Variants in RAB3IP observed in about 807,000 individuals in gnomAD.
RAB3IP encodes rab-3A-interacting protein.
Under a neutral mutation model 59.1 loss-of-function variants are expected in RAB3IP, and 36 were observed. That is an observed-to-expected ratio of 0.61 (90% CI 0.47 to 0.80). The LOEUF (loss-of-function observed/expected upper bound fraction) is 0.80, where lower values mean the gene tolerates loss of function less well. RAB3IP is among the 30% of genes least tolerant of loss of function. RAB3IP has a pLI of 0.00. For missense variants in RAB3IP, 511 were observed against 536.0 expected (o/e 0.95, Z 0.46); for synonymous variants, 207 against 191.2 (o/e 1.08, Z -0.68).
chr12:69,788,654 CAG>C (rs755301011), intron 4 of RAB3IP, among the ~76,000 whole-genome samples: 2 of 152,044 alleles, frequency 1.3e-5, no homozygotes, highest in Non-Finnish European at 2.9e-5. Context: ...ATTATTCAGA[CAG>C]AAAATTAATA....
Position 69,755,413 on chromosome 12 carries a change from C to G in RAB3IP, c.5C>G (p.Ala2Gly). ...TCTTATGATGAGGCTTTTGCTATGG[C>G]TAATGATCCCTTGGAAGGCTTCCAT... M[A>G]NDPLEGFHEV... The change falls in exon 2 of 11, where the codon GCT becomes GGT. Residue 2 changes from alanine (A) to glycine (G), a missense_variant. Transcript: ENST00000247833. 1 of 1,613,982 alleles carries G rather than the reference C, an allele frequency of 6.2e-7. No individual in the cohort carries two copies. The highest frequency in any genetic ancestry group is 8.5e-7 in the Non-Finnish European group (1 of 1,179,916).
chr12:69,780,201 T>G (rs775918134), intron 3 of RAB3IP, among the ~76,000 whole-genome samples: 4 of 152,200 alleles, frequency 2.6e-5, no homozygotes, highest in Non-Finnish European at 4.4e-5. Context: ...CTTAGACAGA[T>G]GCATGTTTCC....
At chr12:69,759,489 A>C (rs1049828003) in intron 3 of RAB3IP, among the ~76,000 whole-genome samples, 8 of 151,874 alleles carry the variant, frequency 5.3e-5, no homozygotes, top group Non-Finnish European at 8.8e-5. Flanking sequence ...GTTCTCAATG[A>C]GCTGTTGGGT....
intron 8 of RAB3IP, among the ~76,000 whole-genome samples, chr12:69,807,582 A>T (rs1440189257): frequency 1.3e-3 from 138 of 105,434 alleles, no homozygotes; most frequent in African/African-American, 5.0e-3. Context: ...GGGCGGCCGG[A>T]CAGAGGCGCT....
chr12:69,802,437 T>C (rs1878545734), intron 8 of RAB3IP, among the ~76,000 whole-genome samples: 1 of 152,240 alleles, frequency 6.6e-6, no homozygotes, highest in Non-Finnish European at 1.5e-5. Context: ...CAGGGCAGAC[T>C]TGTTTTCCAT....
In RAB3IP at chr12:69,813,009, C is replaced by T; in HGVS notation, c.1276C>T (p.Gln426Ter). The change falls in exon 10 of 11, where the codon CAG (glutamine) becomes TAG (stop). Residue 426 changes from glutamine (Q) to a stop codon, truncating the protein, a stop_gained. Coordinates refer to ENST00000247833, the MANE Select transcript of RAB3IP (RefSeq NM_022456.5). LOFTEE classifies it high-confidence loss of function. ...TTTTACATACATTCGATACATTCAG[C>T]AGGGACTCGTGAAACAGCAGGATGG... is the stretch of plus-strand genomic sequence containing the variant. ...NFFTYIRYIQQGLVKQQDVDQ... is the reference protein window; with the variant it reads ...NFFTYIRYIQ The T allele has an allele frequency of 6.2e-7, 1 of 1,612,786 alleles. No homozygotes were observed. Among genetic ancestry groups the T allele is most frequent in the Non-Finnish European group, 8.5e-7 (1 of 1,179,118 alleles).
chr12:69,809,609 T>C (rs1880070094), intron 8 of RAB3IP, among the ~76,000 whole-genome samples: 1 of 152,232 alleles, frequency 6.6e-6, no homozygotes, highest in Non-Finnish European at 1.5e-5. Flanking sequence ...CTTTTTATTC[T>C]TTTTTCTCTA....
At chr12:69,738,693 T>A (rs898395166), upstream of RAB3IP, 1 of 152,126 alleles carries the variant, frequency 6.6e-6, no homozygotes, top group Non-Finnish European at 1.5e-5. Flanking sequence ...GCCAGGGCCG[T>A]GACACCTGCG....
chr12:69,764,578 G>T (rs1419198636), intron 3 of RAB3IP, among the ~76,000 whole-genome samples: 2 of 151,788 alleles, frequency 1.3e-5, no homozygotes, highest in African/African-American at 4.8e-5. Context: ...CAAGTAATAT[G>T]GTACCTCTGA....
intron 1 of RAB3IP, among the ~76,000 whole-genome samples, chr12:69,746,263 T>G (rs566937982): frequency 4.0e-5 from 6 of 151,346 alleles, no homozygotes; most frequent in Admixed American, 3.3e-4. Context: ...GGATAAACTT[T>G]AAGCAACATT....
intron 1 of RAB3IP, among the ~76,000 whole-genome samples, chr12:69,742,602 C>G (rs377263821): frequency 2.6e-5 from 4 of 152,084 alleles, no homozygotes; most frequent in Non-Finnish European, 5.9e-5. Flanking sequence ...GCTTTAACAT[C>G]GGGCCAGGTA....
At position 69,761,964 on chromosome 12, in the gene RAB3IP, A is replaced by G. The variant is rs570477310; in HGVS notation, c.510+5301A>G. On this transcript the variant is annotated intron_variant, in intron 3 of 10. Coordinates refer to ENST00000247833, the MANE Select transcript of RAB3IP (RefSeq NM_022456.5). The stretch of plus-strand genomic sequence containing the variant: ...GTTATTTGTATCTAACCAATGAGAC[A>G]AAAGGGAAAGACAGCTTAGAGAAGG... 4.6e-5 allele frequency among the ~76,000 whole-genome samples: 7 copies of G among 152,322 alleles called. No homozygotes were observed. In the East Asian group the frequency reaches 1.3e-3, roughly 29 times the overall value.
chr12:69,740,676 G>A (rs115807177), intron 1 of RAB3IP, among the ~76,000 whole-genome samples: 1,666 of 152,288 alleles, frequency 0.011, 29 homozygotes, highest in African/African-American at 0.037. Context: ...AATTAGTGCA[G>A]TTATCCATAT....
At chr12:69,806,571 T>G (rs985111250) in intron 8 of RAB3IP, among the ~76,000 whole-genome samples, 2 of 21,506 alleles carry the variant, frequency 9.3e-5, no homozygotes, top group Non-Finnish European at 2.2e-4. Context: ...GCTTCTCTAG[T>G]TTTTTTTTTT....
chr12:69,807,835 G>A (rs1352565498), intron 8 of RAB3IP, among the ~76,000 whole-genome samples: 44 of 148,882 alleles, frequency 3.0e-4, no homozygotes, highest in Non-Finnish European at 4.5e-4. Flanking sequence ...CAGACGGGGC[G>A]GCCGTGCGGA....
At chr12:69,766,756 C>A (rs1318011526) in intron 3 of RAB3IP, among the ~76,000 whole-genome samples, 1 of 151,952 alleles carries the variant, frequency 6.6e-6, no homozygotes, top group East Asian at 1.9e-4. Flanking sequence ...GAACTCCTGA[C>A]CTCAGGTGAT....
rs749905849 is a variant in RAB3IP at position 69,812,793 on chromosome 12, T to C, written c.1146T>C (p.Thr382=). 4 of 1,608,394 alleles carry C rather than the reference T, an allele frequency of 2.5e-6. No homozygotes were observed. The highest frequency in any genetic ancestry group is 2.7e-5 in the African/African-American group (2 of 74,632). ...ECGGPKKCAL[T]GQSKSCKHRI... Reference sequence around the variant, plus strand: ...TATTTCACAGAAAATGTGCTCTCACTGGCCAGAGTAAGTCCTGTAAACACA... The same window carrying C: ...TATTTCACAGAAAATGTGCTCTCACCGGCCAGAGTAAGTCCTGTAAACACA... Residue 382 remains threonine (T), a synonymous_variant, in exon 9 of 11, where the codon ACT becomes ACC. Transcript: ENST00000247833.
At chr12:69,768,366 A>G (rs1872569796) in intron 3 of RAB3IP, among the ~76,000 whole-genome samples, 1 of 152,158 alleles carries the variant, frequency 6.6e-6, no homozygotes, top group Non-Finnish European at 1.5e-5. Flanking sequence ...GCTCTGCTGC[A>G]CCACAATCTA....
rs1458165081 is a variant in RAB3IP at position 69,812,783 on chromosome 12, G to GTGC, written c.1138_1140dup (p.Ala380dup). On this transcript the variant is annotated inframe_insertion, in exon 9 of 11. Transcript: ENST00000247833. ...AATTTATCATTATTTCACAGAAAAT[G>GTGC]TGCTCTCACTGGCCAGAGTAAGTCC... 6.3e-7 allele frequency: 1 copy of GTGC among 1,596,966 alleles called. No homozygotes were observed. The highest frequency in any genetic ancestry group is 1.7e-5 in the Admixed American group (1 of 57,236).
Sources: allele counts gnomAD v4.1 joint callset (sites outside exome capture counted in the v4.1 genomes callset), GRCh38; gene constraint gnomAD v4.1.1; transcripts MANE v1.5; gene names NCBI Gene and HGNC (gene_info 2026-07-23, HGNC 2026-07-21).